Variants in H2AZ1 observed in about 807,000 individuals in gnomAD.
H2AZ1 encodes the protein histone H2A.Z.
In H2AZ1, 3 loss-of-function variants were observed where a neutral mutation model predicts 16.6. The ratio of observed to expected loss-of-function variants is 0.18; its 90% CI spans 0.08 to 0.47. The LOEUF is 0.47. Ranked by LOEUF, H2AZ1 falls within the 20% of genes least tolerant of loss-of-function variation. The pLI is 0.98. For missense variants in H2AZ1, 27 were observed against 163.6 expected (o/e 0.17, Z 4.55); for synonymous variants, 78 against 60.7 (o/e 1.28, Z -1.32).
Position 99,948,709 on chromosome 4 carries a change from T to C in H2AZ1, c.325+102A>G, listed in dbSNP as rs1727199401. On this transcript the variant is annotated intron_variant, in intron 4 of 4. Transcript: ENST00000296417. ...TCATGATACAACCATACTTCCATCA[T>C]TGAAAATATACTTAAATTTCCTCTC... The C allele has an allele frequency of 3.4e-6, 5 of 1,486,410 alleles. No individual in the cohort carries two copies. The African/African-American group carries it at 4.3e-5, about 13-fold the overall frequency. The allele number at this position is 1,486,410 out of a possible 1,614,324, so 92.1% of individuals were successfully genotyped here. A position where few individuals can be genotyped will look rare whatever the true frequency, so the allele number is the denominator to read the frequency against.
intron 1 of H2AZ1, 69 bp downstream of exon 1, chr4:99,950,099 T>G: frequency 6.5e-7 from 1 of 1,530,688 alleles, no homozygotes; most frequent in Non-Finnish European, 9.0e-7. Flanking sequence ...CCCCCATCCC[T>G]CTGTGTAACG....
chr4:99,950,126 G>T, intron 1 of H2AZ1, 42 bp downstream of exon 1: 1 of 1,600,776 alleles, frequency 6.2e-7, no homozygotes. Flanking sequence ...TCTCTCGCCG[G>T]CAAAAACCCG....
intron 2 of H2AZ1, 25 bp downstream of exon 2, chr4:99,949,638 C>G (rs1194728822): frequency 8.7e-6 from 14 of 1,601,960 alleles, no homozygotes; most frequent in Non-Finnish European, 1.0e-5. Context: ...ATCATGACTC[C>G]CAGACTGCAC....
At chr4:99,948,575 G>A in intron 4 of H2AZ1, 52 bp from the exon 5 acceptor site, 4 of 1,601,830 alleles carry the variant, frequency 2.5e-6, no homozygotes, top group Non-Finnish European at 3.4e-6. Flanking sequence ...AAAAATCACA[G>A]TATTTGAAAC....
Position 99,949,384 on chromosome 4 carries a change from G to T in H2AZ1, c.84C>A (p.Phe28Leu). The change falls in exon 3 of 5, where the codon TTC becomes TTA. Residue 28 changes from phenylalanine (F) to leucine (L), a missense_variant and splice_region_variant. Phe to Leu is a conservative substitution (Grantham distance 22, BLOSUM62 0). Around this residue, in one of 3 missense-constraint regions of H2AZ1, gnomAD observed 13 missense variants for 34.8 expected, o/e 0.37. Transcript: ENST00000296417. ...GGTGTCGATGAATACGGCCCACTGG[G>T]AACTTAAATTTTAAGCATACACAAA... ...VSRSQRAGLQ[F>L]PVGRIHRHLK... is the part of the protein sequence containing the mutation. 6.3e-7 allele frequency: 1 copy of T among 1,587,926 alleles called. No individual in the cohort carries two copies. The highest frequency in any genetic ancestry group is 8.6e-7 in the Non-Finnish European group (1 of 1,156,428).
At chr4:99,949,041 G>T in intron 3 of H2AZ1, 101 bp from the exon 4 acceptor site, 2 of 785,596 alleles carry the variant, frequency 2.5e-6, no homozygotes, top group East Asian at 4.9e-5. Flanking sequence ...AACTGGAATC[G>T]TTCCTCACTA....
intron 2 of H2AZ1, 47 bp downstream of exon 2, chr4:99,949,616 G>A (rs916370746): frequency 3.1e-5 from 48 of 1,545,612 alleles, no homozygotes; most frequent in Non-Finnish European, 3.9e-5. Context: ...AAAAGGAAAT[G>A]CAAAGAAAAA....
At chr4:99,949,815 C>T (rs1161669538) in intron 1 of H2AZ1, 75 bp from the exon 2 acceptor site, 8 of 1,207,534 alleles carry the variant, frequency 6.6e-6, no homozygotes, top group Non-Finnish European at 9.3e-6. Context: ...GCCCATCCCC[C>T]ACCGCGGCGC....
Position 99,950,155 on chromosome 4 carries a change from C to T in H2AZ1, c.3+13G>A. 1 of 1,609,088 alleles carries T rather than the reference C, an allele frequency of 6.2e-7. No individual in the cohort carries two copies. Among genetic ancestry groups the T allele is most frequent in the Non-Finnish European group, 8.5e-7 (1 of 1,177,650 alleles). Reference sequence around the variant, plus strand: ...AAACCCGCGGAGTCATCGAGCGTCTCTGCGAAGTTTACCATTTCGAATTCC... The same window carrying T: ...AAACCCGCGGAGTCATCGAGCGTCTTTGCGAAGTTTACCATTTCGAATTCC... On this transcript the variant is annotated intron_variant, in intron 1 of 4. Coordinates refer to ENST00000296417, the MANE Select transcript of H2AZ1 (RefSeq NM_002106.4).
At chr4:99,949,584 C>T (rs1727228275) in intron 2 of H2AZ1, 79 bp downstream of exon 2, 3 of 1,362,216 alleles carry the variant, frequency 2.2e-6, no homozygotes, top group Non-Finnish European at 3.2e-6. Context: ...ACAAAACGCC[C>T]ATCGAGAGCG....
chr4:99,948,976 T>C, intron 3 of H2AZ1, 36 bp from the exon 4 acceptor site: 1 of 1,251,756 alleles, frequency 8.0e-7, no homozygotes, highest in Non-Finnish European at 1.2e-6. Flanking sequence ...CTTCCAACTT[T>C]CCTTTGGCCA....
chr4:99,948,553 TA>T (rs1243598745), intron 4 of H2AZ1, 30 bp from the exon 5 acceptor site: 1 of 1,606,890 alleles, frequency 6.2e-7, no homozygotes, highest in Non-Finnish European at 8.5e-7. Context: ...TAATTCTACT[TA>T]AGATTTTTTA....
chr4:99,949,821 G>GGCGCGTCCCGCCGCGA, intron 1 of H2AZ1, 81 bp from the exon 2 acceptor site: 2 of 1,141,166 alleles, frequency 1.8e-6, no homozygotes, highest in South Asian at 2.9e-5. Flanking sequence ...CCCCCACCGC[G>GGCGCGTCCCGCCGCGA]GCGCGTCCCG....
At chr4:99,950,101 T>A in intron 1 of H2AZ1, 67 bp downstream of exon 1, 1 of 1,541,522 alleles carries the variant, frequency 6.5e-7, no homozygotes, top group Non-Finnish European at 8.9e-7. Flanking sequence ...CCCATCCCTC[T>A]GTGTAACGGG....
intron 1 of H2AZ1, 91 bp downstream of exon 1, chr4:99,950,077 G>A: frequency 7.9e-7 from 1 of 1,273,076 alleles, no homozygotes; most frequent in Non-Finnish European, 1.1e-6. Context: ...GTTCCCAACC[G>A]TCGCCACTTC....
At chr4:99,949,549 G>C in intron 2 of H2AZ1, 114 bp downstream of exon 2, 1 of 1,111,234 alleles carries the variant, frequency 9.0e-7, no homozygotes, top group Non-Finnish European at 1.4e-6. Flanking sequence ...AGCCCAAGTC[G>C]CGACACCGCA....
Position 99,950,236 on chromosome 4 carries a change from CCCA to C in H2AZ1, c.-69_-67del. 1.3e-6 allele frequency: 2 copies of C among 1,500,580 alleles called. No homozygotes were observed. Among genetic ancestry groups the C allele is most frequent in the South Asian group, 2.3e-5 (2 of 86,900 alleles). The allele number at this position is 1,500,580 out of a possible 1,614,324, so 93.0% of individuals were successfully genotyped here. On this transcript the variant is annotated 5_prime_UTR_variant, in exon 1 of 5. Coordinates refer to ENST00000296417, the MANE Select transcript of H2AZ1 (RefSeq NM_002106.4). The stretch of plus-strand genomic sequence containing the variant: ...AGGCTAATCGGACCCACGGTGAGAT[CCCA>C]CCACCTACTCCTTCGTCGCACCGCG...
chr4:99,949,806 C>CT (rs1727234645), intron 1 of H2AZ1, 66 bp from the exon 2 acceptor site: 42 of 1,290,538 alleles, frequency 3.3e-5, no homozygotes, highest in Non-Finnish European at 5.4e-6. Context: ...AGGCGGCGCG[C>CT]CCATCCCCCA....
In H2AZ1 at chr4:99,948,463, T is replaced by C. The variant is rs764376041; in HGVS notation, c.386A>G (p.Ter129=). 43 of 1,531,046 alleles carry C rather than the reference T, an allele frequency of 2.8e-5. No individual in the cohort carries two copies. Among genetic ancestry groups the C allele is most frequent in the Non-Finnish European group, 3.6e-5 (40 of 1,104,772 alleles). The allele number at this position is 1,531,046 out of a possible 1,614,324, so 94.8% of individuals were successfully genotyped here. The change falls in exon 5 of 5, where the codon TAA becomes TGA. Residue 129 remains the stop codon, a stop_retained_variant. Transcript: ENST00000296417. The part of the protein sequence containing the change: ...IGKKGQQKTV[*] The stretch of plus-strand genomic sequence containing the variant: ...GATAACAAGGAATCCAGGCATCCTT[T>C]AGACAGTCTTCTGTTGTCCTTTCTT...
Sources: gnomAD v4.1 joint callset for allele counts on GRCh38, gnomAD v4.1.1 for gene constraint, gnomAD v4.1.1 regional missense constraint, MANE v1.5 for transcripts, NCBI Gene and HGNC (gene_info 2026-07-23, HGNC 2026-07-21) for gene names.